The following ATP11A variants were observed in gnomAD, a reference collection of about 807,000 sequenced individuals.
ATP11A encodes phospholipid-transporting ATPase IH.
ATP11A carries 81 observed loss-of-function variants against 154.4 expected under a neutral mutation model. That is an observed-to-expected ratio of 0.52 (90% CI 0.44 to 0.63). ATP11A has a LOEUF of 0.63. ATP11A is among the 30% of genes least tolerant of loss of function. The probability of loss-of-function intolerance (pLI) is 0.00; values close to 1 mark genes in which losing one functional copy is unlikely to be tolerated. For synonymous variants in ATP11A, 623 were observed against 585.9 expected (o/e 1.06, Z -0.91); for missense variants, 1,316 against 1,474.3 (o/e 0.89, Z 1.76).
chr13:112,705,575 G>A (rs1272218115), intron 1 of ATP11A, among the ~76,000 whole-genome samples: 1 of 152,194 alleles, frequency 6.6e-6, no homozygotes, highest in African/African-American at 2.4e-5. Flanking sequence ...TCCGGGACGG[G>A]GCATGGAGGA....
At chr13:112,835,630 G>T (rs1042635958) in intron 15 of ATP11A, among the ~76,000 whole-genome samples, 1 of 152,194 alleles carries the variant, frequency 6.6e-6, no homozygotes, top group Admixed American at 6.5e-5. Context: ...GAGCCCCTCC[G>T]CAGCTTCCCA....
At chr13:112,762,747 G>A (rs1001539960) in intron 1 of ATP11A, among the ~76,000 whole-genome samples, 4 of 152,212 alleles carry the variant, frequency 2.6e-5, no homozygotes, top group African/African-American at 9.6e-5. Context: ...TTTCATTCAA[G>A]ATCATAAAAC....
intron 17 of ATP11A, among the ~76,000 whole-genome samples, chr13:112,849,038 C>T (rs950141432): frequency 3.3e-5 from 5 of 152,110 alleles, no homozygotes; most frequent in Admixed American, 2.0e-4. Flanking sequence ...TTCTTCTCTC[C>T]CCAGTTTATT....
At position 112,878,442 on chromosome 13, in the gene ATP11A, G is replaced by T. The variant is rs1027983393; in HGVS notation, c.*9+139G>T. 6.2e-6 allele frequency: 5 copies of T among 806,224 alleles called. No individual in the cohort carries two copies. The African/African-American group carries it at 8.4e-5, about 14-fold the overall frequency. 49.9% of individuals were successfully genotyped at this position (806,224 alleles called of 1,614,324 possible). The stretch of plus-strand genomic sequence containing the variant: ...GGGTACAGCAGCCTCACGTCGGGAA[G>T]TCCCGCCACCACTTACACCTTCTCA... On this transcript the variant is annotated intron_variant, in intron 29 of 29. Transcript: ENST00000375645.
At position 112,875,823 on chromosome 13, in the gene ATP11A, T is replaced by C. The variant is rs143582425; in HGVS notation, c.3209T>C (p.Leu1070Pro). The change falls in exon 28 of 30, where the codon CTG becomes CCG. Residue 1070 changes from leucine to proline, a missense_variant. Around this residue, in one of 5 missense-constraint regions of ATP11A, gnomAD observed 294 missense variants for 290.2 expected, o/e 1.01. Coordinates refer to ENST00000375645, the MANE Select transcript of ATP11A (RefSeq NM_015205.3). This position sits in a 1 kb window ranked among gnomAD's most constrained non-coding sequence, Gnocchi z 4.1. ...QRMYYVFIQM[L>P]SSGPAWLAIV... ...ATGTACTACGTGTTCATCCAGATGC[T>C]GTCCAGCGGGCCCGCCTGGCTGGCC... 2.5e-6 allele frequency: 4 copies of C among 1,614,034 alleles called. No homozygotes were observed. The highest frequency in any genetic ancestry group is 1.7e-6 in the Non-Finnish European group (2 of 1,180,036).
intron 17 of ATP11A, among the ~76,000 whole-genome samples, chr13:112,844,067 G>GGGGCTCCTGA (rs1264368450): frequency 6.6e-6 from 1 of 152,208 alleles, no homozygotes; most frequent in Non-Finnish European, 1.5e-5. Flanking sequence ...GGGGCGTGTG[G>GGGGCTCCTGA]GGGCTCCTGA....
intron 1 of ATP11A, among the ~76,000 whole-genome samples, chr13:112,768,892 T>C (rs77378581): frequency 0.016 from 2,468 of 152,312 alleles, 67 homozygotes; most frequent in African/African-American, 0.051. Context: ...TGCTGCTCAT[T>C]CTCATGCTGG....
At chr13:112,711,285 A>T (rs917445701) in intron 1 of ATP11A, among the ~76,000 whole-genome samples, 18 of 152,154 alleles carry the variant, frequency 1.2e-4, no homozygotes, top group African/African-American at 4.3e-4. Flanking sequence ...TCAGCAGGAA[A>T]ATTGTCCCAA....
chr13:112,849,923 CA>C (rs773311829), intron 17 of ATP11A, among the ~76,000 whole-genome samples: 24 of 152,220 alleles, frequency 1.6e-4, no homozygotes, highest in Non-Finnish European at 3.1e-4. Flanking sequence ...GACCAGGAGA[CA>C]ATATCTGGAG....
Position 112,882,741 on chromosome 13 carries a change from G to T in ATP11A, c.*875G>T. Reference sequence around the variant, plus strand: ...CAGGATGTCCATCAGCCACTCGCCAGGGCACGGAGCCGTCAGTCCACTGTT... The same window carrying T: ...CAGGATGTCCATCAGCCACTCGCCATGGCACGGAGCCGTCAGTCCACTGTT... On this transcript the variant is annotated 3_prime_UTR_variant, in exon 30 of 30. Coordinates refer to ENST00000375645, the MANE Select transcript of ATP11A (RefSeq NM_015205.3). This position sits in a 1 kb window ranked among gnomAD's most constrained non-coding sequence, Gnocchi z 5.1. 2.5e-6 allele frequency: 1 copy of T among 400,052 alleles called. No homozygotes were observed. Among genetic ancestry groups the T allele is most frequent in the Non-Finnish European group, 4.4e-6 (1 of 227,210 alleles). 24.8% of individuals were successfully genotyped at this position (400,052 alleles called of 1,614,324 possible). A position where few individuals can be genotyped will look rare whatever the true frequency, so the allele number is the denominator to read the frequency against.
chr13:112,850,273 G>A (rs939261658), intron 17 of ATP11A, among the ~76,000 whole-genome samples: 1 of 152,188 alleles, frequency 6.6e-6, no homozygotes, highest in African/African-American at 2.4e-5. Context: ...TAGGGCTGGG[G>A]CTGAAGGAGC....
At chr13:112,872,979 C>CAGTGTGAGGTGTGGCTTTGTCTCCCGAAG (rs2080579673) in intron 26 of ATP11A, among the ~76,000 whole-genome samples, 2 of 5,444 alleles carry the variant, frequency 3.7e-4, no homozygotes, top group Non-Finnish European at 7.8e-4. Context: ...TCTTCCTGAG[C>CAGTGTGAGGTGTGGCTTTGTCTCCCGAAG]GGTGTGAGGT....
chr13:112,878,875 G>A (rs993912942), intron 29 of ATP11A, among the ~76,000 whole-genome samples: 5 of 152,246 alleles, frequency 3.3e-5, no homozygotes, highest in African/African-American at 7.2e-5. Context: ...AAGAGGGGAC[G>A]GAAGTGTTTG....
At chr13:112,816,533 C>G (rs1156845104) in intron 6 of ATP11A, among the ~76,000 whole-genome samples, 1 of 152,198 alleles carries the variant, frequency 6.6e-6, no homozygotes, top group Admixed American at 6.5e-5. Flanking sequence ...CATTCTCTCC[C>G]CTGGCACCCA....
At chr13:112,705,374 G>T (rs150875970) in intron 1 of ATP11A, among the ~76,000 whole-genome samples, 14 of 149,540 alleles carry the variant, frequency 9.4e-5, no homozygotes, top group African/African-American at 3.6e-4. Context: ...TCCTCAGCAC[G>T]CGGGGGTGCT....
chr13:112,779,241 G>T, intron 1 of ATP11A, among the ~76,000 whole-genome samples: 1 of 137,152 alleles, frequency 7.3e-6, no homozygotes, highest in Non-Finnish European at 1.6e-5. Context: ...GTAGCCACTG[G>T]AGTAGCCGCT....
At position 112,825,553 on chromosome 13, in the gene ATP11A, A is replaced by G. The variant is rs1470353909; in HGVS notation, c.996A>G (p.Lys332=). The G allele has an allele frequency of 1.2e-6, 2 of 1,613,552 alleles. No homozygotes were observed. The highest frequency in any genetic ancestry group is 1.7e-6 in the Non-Finnish European group (2 of 1,179,782). The change falls in exon 11 of 30, where the codon AAA becomes AAG. Residue 332 remains lysine, a synonymous_variant. Coordinates refer to ENST00000375645, the MANE Select transcript of ATP11A (RefSeq NM_015205.3). The stretch of plus-strand genomic sequence containing the variant: ...GGGATGAGCCGTGGTATAATCAGAA[A>G]ACGGAGTCGGAAAGGCAGAGGAATC... The part of the protein sequence containing the change: ...PFRDEPWYNQ[K]TESERQRNLF...
chr13:112,759,267 C>T (rs529402006), intron 1 of ATP11A, among the ~76,000 whole-genome samples: 11 of 152,152 alleles, frequency 7.2e-5, no homozygotes, highest in Non-Finnish European at 1.2e-4. Flanking sequence ...GAGGTTCTTC[C>T]TGTTGCGTGC....
chr13:112,821,828 C>T (rs2078803987), intron 8 of ATP11A, among the ~76,000 whole-genome samples: 1 of 152,188 alleles, frequency 6.6e-6, no homozygotes, highest in Non-Finnish European at 1.5e-5. Flanking sequence ...TTTAAAAACG[C>T]TGTTTGTTTT....
Sources: gnomAD v4.1 joint callset for allele counts (sites outside exome capture counted in the v4.1 genomes callset) on GRCh38, gnomAD v4.1.1 for gene constraint, gnomAD v4.1.1 regional missense constraint, Gnocchi (gnomAD v3.1) non-coding constraint, MANE v1.5 for transcripts, NCBI Gene and HGNC (gene_info 2026-07-23, HGNC 2026-07-21) for gene names.